The following NCAN variants were observed in gnomAD, a reference collection of about 807,000 sequenced individuals.
NCAN encodes the protein neurocan core protein.
In NCAN, 47 loss-of-function variants were observed where a neutral mutation model predicts 121.8. The ratio of observed to expected loss-of-function variants is 0.39; its 90% CI spans 0.31 to 0.49. The LOEUF is 0.49. NCAN is among the 20% of genes least tolerant of loss of function. The pLI is 0.92. For synonymous variants in NCAN, 633 were observed against 702.0 expected (o/e 0.90, Z 1.55); for missense variants, 1,517 against 1,773.4 (o/e 0.86, Z 2.60).
In NCAN at chr19:19,233,779, CAT is replaced by C. The variant is rs1490689760; in HGVS notation, c.3020-9_3020-8del. On this transcript the variant is annotated splice_region_variant and splice_polypyrimidine_tract_variant and intron_variant, in intron 8 of 14. Coordinates refer to ENST00000252575, the MANE Select transcript of NCAN (RefSeq NM_004386.3). ...CTGACTCTTCCCCACACTACCCATCCATCCTGCAGTGCACTCAGATCCCTGTG... is the reference window on the plus strand; with the variant it reads ...CTGACTCTTCCCCACACTACCCATCCCCTGCAGTGCACTCAGATCCCTGTG... 1 of 1,558,630 alleles carries C rather than the reference CAT, an allele frequency of 6.4e-7. No homozygotes were observed. The highest frequency in any genetic ancestry group is 1.1e-5 in the South Asian group (1 of 89,946).
chr19:19,245,147 G>A (rs535689726), intron 12 of NCAN, among the ~76,000 whole-genome samples, 166 bp from the exon 13 acceptor site: 96 of 152,278 alleles, frequency 6.3e-4, no homozygotes, highest in Non-Finnish European at 8.8e-4. Context: ...GGATTACAGT[G>A]GTGGCCCCCG....
intron 1 of NCAN, among the ~76,000 whole-genome samples, chr19:19,213,357 C>T (rs1343902226): frequency 6.6e-5 from 10 of 151,958 alleles, no homozygotes; most frequent in Admixed American, 2.6e-4. Context: ...AAACTTGTGC[C>T]GAGGGCCACA....
intron 9 of NCAN, 72 bp downstream of exon 9, chr19:19,233,977 C>A: frequency 1.1e-6 from 1 of 948,730 alleles, no homozygotes; most frequent in South Asian, 1.4e-5. Context: ...ACTCCAGCAG[C>A]CATGCCCTCA....
At chr19:19,247,430 T>A (rs962257056) in intron 13 of NCAN, among the ~76,000 whole-genome samples, 2 of 152,154 alleles carry the variant, frequency 1.3e-5, no homozygotes, top group African/African-American at 4.8e-5. Context: ...ATTTTTTGTA[T>A]TTTTAGTAGA....
intron 8 of NCAN, among the ~76,000 whole-genome samples, chr19:19,229,666 G>A (rs184380338): frequency 2.4e-3 from 372 of 152,308 alleles, no homozygotes; most frequent in Non-Finnish European, 4.5e-3. Context: ...CATAGAAATC[G>A]GCTGCCCTGT....
chr19:19,248,036 T>TAC (rs2060931270), intron 13 of NCAN, among the ~76,000 whole-genome samples: 1 of 152,036 alleles, frequency 6.6e-6, no homozygotes, highest in African/African-American at 2.4e-5. Context: ...TAGTCTCAGC[T>TAC]ACTTGAGAGG....
At chr19:19,239,298 A>G (rs975448056) in intron 11 of NCAN, among the ~76,000 whole-genome samples, 3 of 151,460 alleles carry the variant, frequency 2.0e-5, no homozygotes, top group Non-Finnish European at 4.4e-5. Context: ...TGGGGTGAGG[A>G]TGCACCTCCA....
Position 19,227,157 on chromosome 19 carries a change from G to A in NCAN, c.1660+84G>A. The A allele has an allele frequency of 2.0e-6, 3 of 1,491,066 alleles. No individual in the cohort carries two copies. The South Asian group carries it at 4.1e-5, about 21-fold the overall frequency. The allele number at this position is 1,491,066 out of a possible 1,614,324, so 92.4% of individuals were successfully genotyped here. On this transcript the variant is annotated intron_variant, in intron 7 of 14. Coordinates refer to ENST00000252575, the MANE Select transcript of NCAN (RefSeq NM_004386.3). This position sits in a 1 kb window ranked among gnomAD's most constrained non-coding sequence, Gnocchi z 4.2. ...GTAGCCATGGCTACACTCAGAATGA[G>A]GGAGGAAGCTCCAAATCCCAGCTGG...
At chr19:19,235,983 G>A (rs568305922) in intron 10 of NCAN, among the ~76,000 whole-genome samples, 1 of 152,306 alleles carries the variant, frequency 6.6e-6, no homozygotes, top group East Asian at 1.9e-4. Context: ...CTGAGCTCAA[G>A]CAATCTGTCC....
intron 11 of NCAN, among the ~76,000 whole-genome samples, chr19:19,240,057 C>T (rs1298365582): frequency 4.5e-5 from 5 of 111,506 alleles, no homozygotes; most frequent in Non-Finnish European, 9.6e-5. Context: ...CCTCCTCCTC[C>T]CATTCCCCCC....
intron 3 of NCAN, among the ~76,000 whole-genome samples, chr19:19,223,144 T>A (rs905720157): frequency 2.0e-5 from 3 of 151,368 alleles, no homozygotes; most frequent in Admixed American, 6.6e-5. Flanking sequence ...AAATAAAAAA[T>A]AAATAAATAA....
intron 8 of NCAN, among the ~76,000 whole-genome samples, chr19:19,229,069 G>A (rs2060848866): frequency 6.6e-6 from 1 of 152,182 alleles, no homozygotes; most frequent in Non-Finnish European, 1.5e-5. Flanking sequence ...TTAGCCGGGT[G>A]TGGTGGCACA....
At position 19,227,871 on chromosome 19, in the gene NCAN, A is replaced by C; in HGVS notation, c.2251A>C (p.Arg751=). Residue 751 remains arginine, a synonymous_variant, in exon 8 of 15, where the codon AGG becomes CGG. Transcript: ENST00000252575. This position sits in a 1 kb window ranked among gnomAD's most constrained non-coding sequence, Gnocchi z 4.2. The part of the protein sequence containing the change: ...TETATEPTGL[R]GIPGSESGVF... Reference sequence around the variant, plus strand: ...GACTGCCACTGAGCCAACGGGCCTCAGGGGTATCCCGGGGTCTGAGTCTGG... The same window carrying C: ...GACTGCCACTGAGCCAACGGGCCTCCGGGGTATCCCGGGGTCTGAGTCTGG... 1 of 1,613,694 alleles carries C rather than the reference A, an allele frequency of 6.2e-7. No homozygotes were observed. Among genetic ancestry groups the C allele is most frequent in the Middle Eastern group, 1.7e-4 (1 of 6,060 alleles).
At chr19:19,218,236 C>A (rs2060803009) in intron 2 of NCAN, among the ~76,000 whole-genome samples, 1 of 151,530 alleles carries the variant, frequency 6.6e-6, no homozygotes, top group Non-Finnish European at 1.5e-5. Context: ...TGAGATCATG[C>A]CACTGCACTC....
intron 13 of NCAN, among the ~76,000 whole-genome samples, chr19:19,246,652 G>C (rs1016386287): frequency 6.6e-6 from 1 of 152,042 alleles, no homozygotes; most frequent in Non-Finnish European, 1.5e-5. Context: ...TCCTGCCTCA[G>C]CCTCCCGAGT....
intron 10 of NCAN, among the ~76,000 whole-genome samples, chr19:19,236,333 A>C (rs1363757473): frequency 6.6e-6 from 1 of 152,220 alleles, no homozygotes; most frequent in Admixed American, 6.5e-5. Flanking sequence ...CCTGTATTGT[A>C]ATATGAATCA....
Position 19,226,825 on chromosome 19 carries a change from C to T in NCAN, c.1412C>T (p.Ala471Val), listed in dbSNP as rs1303192001. ...GTAASSHTEV[A>V]PTDPMPRRRG... ...GCAGCAAGTTCACACACGGAGGTGGCCCCAACTGACCCTATGCCTAGGAGA... is the reference window on the plus strand; with the variant it reads ...GCAGCAAGTTCACACACGGAGGTGGTCCCAACTGACCCTATGCCTAGGAGA... The change falls in exon 7 of 15, where the codon GCC becomes GTC. Residue 471 changes from alanine to valine, a missense_variant. Physicochemically the swap from Ala to Val is moderately conservative, Grantham distance 64. Transcript: ENST00000252575. 1 of 1,613,244 alleles carries T rather than the reference C, an allele frequency of 6.2e-7. No homozygotes were observed. The highest frequency in any genetic ancestry group is 2.2e-5 in the East Asian group (1 of 44,880).
At position 19,244,728 on chromosome 19, in the gene NCAN, CT is replaced by C. The variant is rs201995446; in HGVS notation, c.3493-568del. Among the ~76,000 whole-genome samples, 271 of 136,444 alleles carry C rather than the reference CT, an allele frequency of 2.0e-3. 2 individuals carry two copies. Among genetic ancestry groups the C allele is most frequent in the East Asian group, 7.4e-3 (35 of 4,714 alleles). The allele number at this position is 136,444 out of a possible 152,430, so 89.5% of individuals were successfully genotyped here. On this transcript the variant is annotated intron_variant, in intron 12 of 14. Transcript: ENST00000252575. Reference sequence around the variant, plus strand: ...ATGTATCTTTTTTCTTTTTCTTTTCCTTTTTTTTTTTTTTTTTGAGGCAGAG... The same window carrying C: ...ATGTATCTTTTTTCTTTTTCTTTTCCTTTTTTTTTTTTTTTTGAGGCAGAG...
At chr19:19,243,534 A>G (rs2060911871) in intron 12 of NCAN, among the ~76,000 whole-genome samples, 1 of 148,696 alleles carries the variant, frequency 6.7e-6, no homozygotes, top group African/African-American at 2.5e-5. Flanking sequence ...AAAAAAAAAA[A>G]GAAAAAGAAA....
Sources: allele counts gnomAD v4.1 joint callset (sites outside exome capture counted in the v4.1 genomes callset), GRCh38; gene constraint gnomAD v4.1.1; non-coding constraint Gnocchi (gnomAD v3.1); transcripts MANE v1.5; gene names NCBI Gene and HGNC (gene_info 2026-07-23, HGNC 2026-07-21).